The following KLK6 variants were observed in gnomAD, a reference collection of about 807,000 sequenced individuals.
KLK6 encodes the protein kallikrein related peptidase 6.
KLK6 carries 16 observed loss-of-function variants against 21.7 expected under a neutral mutation model. That is an observed-to-expected ratio of 0.74 (90% CI 0.50 to 1.12). The LOEUF (loss-of-function observed/expected upper bound fraction) is 1.12. KLK6 is among the 50% of genes most tolerant of loss of function. The pLI, the probability that KLK6 is intolerant of heterozygous loss-of-function variation, is 0.00. For missense variants in KLK6, 276 were observed against 304.6 expected (o/e 0.91, Z 0.70); for synonymous variants, 116 against 120.1 (o/e 0.97, Z 0.22).
At chr19:50,965,267 C>CCT (rs1381127837) in intron 4 of KLK6, among the ~76,000 whole-genome samples, 4 of 150,902 alleles carry the variant, frequency 2.7e-5, no homozygotes, top group East Asian at 3.9e-4. Context: ...CACGGCCAGC[C>CCT]CAATTTGCTG....
intron 6 of KLK6, among the ~76,000 whole-genome samples, chr19:50,959,677 G>GAAAA (rs1568534898): frequency 0.33 from 2 of 6 alleles, 1 homozygote; most frequent in Non-Finnish European, 0.5. Flanking sequence ...AGAGAGAGGA[G>GAAAA]GAGGAAGAGG....
chr19:50,967,152 T>C lies in KLK6; in HGVS notation c.197+17A>G. 1 of 1,613,894 alleles carries C rather than the reference T, an allele frequency of 6.2e-7. No individual in the cohort carries two copies. Among genetic ancestry groups the C allele is most frequent in the Middle Eastern group, 1.7e-4 (1 of 6,052 alleles). On this transcript the variant is annotated intron_variant, in intron 4 of 6. Transcript: ENST00000310157. The stretch of plus-strand genomic sequence containing the variant: ...GGGTTCAGTCGCATCTGCTGTTCAT[T>C]TACAGTGTAGACTCACGGTTTTTTG...
At chr19:50,964,088 C>T (rs2090889424) in intron 4 of KLK6, among the ~76,000 whole-genome samples, 1 of 152,176 alleles carries the variant, frequency 6.6e-6, no homozygotes, top group African/African-American at 2.4e-5. Context: ...TCCTCCCACT[C>T]TCCCCTTCTC....
In KLK6 at chr19:50,967,240, C is replaced by A. The variant is rs753254086; in HGVS notation, c.126G>T (p.Ser42=). The change falls in exon 4 of 7, where the codon TCG becomes TCT. Residue 42 remains serine, a synonymous_variant. Transcript: ENST00000310157. ...GGACCCCACCACAGAGCAAGTGGCC[C>A]GAGGTGTAGAGGGCAGCTTGGTAGG... ...SHPYQAALYT[S]GHLLCGGVLI... is the part of the protein sequence containing the mutation. 4.6e-5 allele frequency: 74 copies of A among 1,613,966 alleles called. No individual in the cohort carries two copies. Among genetic ancestry groups the A allele is most frequent in the Non-Finnish European group, 6.3e-5 (74 of 1,179,998 alleles).
Position 50,961,807 on chromosome 19 carries a change from A to G in KLK6, c.519T>C (p.Pro173=), listed in dbSNP as rs775873008. Residue 173 remains proline (P), a synonymous_variant, in exon 6 of 7, where the codon CCT becomes CCC. Transcript: ENST00000310157. ...ACAACATGTTCTGGGTGATCTGGCC[A>G]GGGTAGGCATGCTCACACTCCTCAC... is the stretch of plus-strand genomic sequence containing the variant. ...VSREECEHAY[P]GQITQNMLCA... 6.2e-7 allele frequency: 1 copy of G among 1,614,052 alleles called. No homozygotes were observed. The highest frequency in any genetic ancestry group is 8.5e-7 in the Non-Finnish European group (1 of 1,179,956).
chr19:50,967,818 C>A (rs905634407), intron 3 of KLK6, among the ~76,000 whole-genome samples: 3 of 152,008 alleles, frequency 2.0e-5, no homozygotes, highest in Admixed American at 2.0e-4. Flanking sequence ...TACCTCCTAC[C>A]TCTTCTATGT....
At chr19:50,959,748 A>G (rs1000361952) in intron 6 of KLK6, among the ~76,000 whole-genome samples, 3 of 4,736 alleles carry the variant, frequency 6.3e-4, no homozygotes, top group Non-Finnish European at 3.5e-4. Flanking sequence ...AGGAGGAGGA[A>G]GAGGAGGAGG....
intron 4 of KLK6, among the ~76,000 whole-genome samples, chr19:50,964,332 G>C (rs982292086): frequency 6.6e-6 from 1 of 152,110 alleles, no homozygotes; most frequent in African/African-American, 2.4e-5. Context: ...TCCCTCCCCT[G>C]CTTTCTGTTC....
At chr19:50,960,422 C>A (rs1318206798) in intron 6 of KLK6, among the ~76,000 whole-genome samples, 1 of 151,962 alleles carries the variant, frequency 6.6e-6, no homozygotes, top group East Asian at 1.9e-4. Flanking sequence ...AAGAGGAGAG[C>A]CTGGATGGAT....
At chr19:50,960,916 C>T (rs558365925) in intron 6 of KLK6, among the ~76,000 whole-genome samples, 1 of 152,270 alleles carries the variant, frequency 6.6e-6, no homozygotes, top group South Asian at 2.1e-4. Flanking sequence ...CAGGCGCCTG[C>T]CACCACGCCC....
At position 50,968,604 on chromosome 19, in the gene KLK6, G is replaced by T. The variant is rs2090965451; in HGVS notation, c.-59-13C>A. ...GGGGAAGGAACAGCTTTGAGACGAG[G>T]AGGCAGAAAGAGTTAGAAATGCGGG... On this transcript the variant is annotated splice_polypyrimidine_tract_variant and intron_variant, in intron 1 of 6. Transcript: ENST00000310157. The T allele has an allele frequency of 5.8e-6, 1 of 173,094 alleles. No homozygotes were observed. The highest frequency in any genetic ancestry group is 1.2e-5 in the Non-Finnish European group (1 of 80,440). The allele number at this position is 173,094 out of a possible 1,614,324, so 10.7% of individuals were successfully genotyped here.
chr19:50,961,366 T>G (rs1336574279), intron 6 of KLK6, among the ~76,000 whole-genome samples: 2 of 149,074 alleles, frequency 1.3e-5, no homozygotes, highest in African/African-American at 5.0e-5. Context: ...GAGATAGGGT[T>G]TCACCATGTT....
Position 50,959,102 on chromosome 19 carries a change from A to C in KLK6, c.*62T>G. ...GAGGAGGGGAGGCAAGGTCTAGGTG[A>C]GAGACGTTCTGGAACCAGCCAGTGG... On this transcript the variant is annotated 3_prime_UTR_variant, in exon 7 of 7. Transcript: ENST00000310157. The C allele has an allele frequency of 6.3e-7, 1 of 1,589,118 alleles. No homozygotes were observed. Among genetic ancestry groups the C allele is most frequent in the Non-Finnish European group, 8.6e-7 (1 of 1,158,904 alleles).
At chr19:50,969,136 G>A (rs981899365) in intron 1 of KLK6, among the ~76,000 whole-genome samples, 1 of 151,224 alleles carries the variant, frequency 6.6e-6, no homozygotes, top group African/African-American at 2.4e-5. Flanking sequence ...GAGGGGCTGG[G>A]GGCCTGGACT....
intron 5 of KLK6, chr19:50,962,834 C>T (rs1365060828): frequency 5.8e-6 from 1 of 171,032 alleles, no homozygotes; most frequent in East Asian, 1.5e-4. Context: ...TTGATCCTTT[C>T]CCCTTAGTCC....
chr19:50,963,170 A>G (rs1360073578), intron 5 of KLK6, 132 bp downstream of exon 5: 3 of 1,303,510 alleles, frequency 2.3e-6, no homozygotes, highest in Non-Finnish European at 3.2e-6. Context: ...CTCCCATTGA[A>G]ACCCTGTCCC....
intron 6 of KLK6, among the ~76,000 whole-genome samples, chr19:50,960,038 CGAG>C (rs1226707055): frequency 0.021 from 908 of 42,738 alleles, 15 homozygotes; most frequent in Admixed American, 0.038. Context: ...AGGGGGAAGA[CGAG>C]GAGGAGGAGG....
intron 4 of KLK6, among the ~76,000 whole-genome samples, chr19:50,966,538 T>C (rs143800770): frequency 0.013 from 2,006 of 152,320 alleles, 19 homozygotes; most frequent in Middle Eastern, 0.055. Flanking sequence ...TGGTGGCTCA[T>C]GCCTGTAATC....
Position 50,961,018 on chromosome 19 carries a change from C to T in KLK6, c.582+726G>A, listed in dbSNP as rs563996344. 1.6e-3 allele frequency among the ~76,000 whole-genome samples: 240 copies of T among 152,328 alleles called. 4 individuals carry two copies. In the South Asian group the frequency reaches 0.02, roughly 13 times the overall value. On this transcript the variant is annotated intron_variant, in intron 6 of 6. Transcript: ENST00000310157. ...TGACCTGGTTATTCACCCACCTCGG[C>T]CTCCCAAGGTGCTGGGATTACAGGC...
Sources: allele counts gnomAD v4.1 joint callset (sites outside exome capture counted in the v4.1 genomes callset), GRCh38; gene constraint gnomAD v4.1.1; transcripts MANE v1.5; gene names NCBI Gene and HGNC (gene_info 2026-07-23, HGNC 2026-07-21).